The following LTBP1 variants were observed in gnomAD, a reference collection of about 807,000 sequenced individuals.
LTBP1 encodes latent transforming growth factor beta binding protein 1.
A neutral mutation model predicts 207.6 loss-of-function variants in LTBP1; 129 were observed. That is an observed-to-expected ratio of 0.62 (90% CI 0.54 to 0.72). The LOEUF is 0.72. Ranked by LOEUF, LTBP1 falls within the 30% of genes least tolerant of loss-of-function variation. The pLI, the probability that LTBP1 is intolerant of heterozygous loss-of-function variation, is 0.00. For missense variants in LTBP1, 2,281 were observed against 2,217.2 expected (o/e 1.03, Z -0.58); for synonymous variants, 963 against 833.7 (o/e 1.16, Z -2.67).
chr2:33,209,698 C>A lies in LTBP1; in HGVS notation c.1702-7854C>A, dbSNP rs149099207. ...ACTTACGTGTTTATTTTATACATCTCTTATCTGTAGGCTGAATCTGGGATA... is the reference window on the plus strand; with the variant it reads ...ACTTACGTGTTTATTTTATACATCTATTATCTGTAGGCTGAATCTGGGATA... On this transcript the variant is annotated intron_variant, in intron 7 of 33. Coordinates refer to ENST00000404816, the MANE Select transcript of LTBP1 (RefSeq NM_206943.4). Among the ~76,000 whole-genome samples, 203 of 152,292 alleles carry A rather than the reference C, an allele frequency of 1.3e-3. 1 individual carries two copies. The highest frequency in any genetic ancestry group is 4.7e-3 in the African/African-American group (196 of 41,570).
At chr2:32,974,708 T>G (rs1006318394) in intron 2 of LTBP1, among the ~76,000 whole-genome samples, 19 of 152,206 alleles carry the variant, frequency 1.2e-4, no homozygotes, top group African/African-American at 4.3e-4. Context: ...CTGCTTCTTT[T>G]TGTTTTGTGT....
chr2:33,007,760 A>G (rs144560627), intron 2 of LTBP1, among the ~76,000 whole-genome samples: 455 of 152,348 alleles, frequency 3.0e-3, no homozygotes, highest in African/African-American at 0.011. Flanking sequence ...TTTGGTGCAT[A>G]GGATAATAAT....
chr2:33,029,321 A>G (rs559883604), intron 3 of LTBP1, among the ~76,000 whole-genome samples: 2 of 152,216 alleles, frequency 1.3e-5, no homozygotes, highest in Admixed American at 1.3e-4. Flanking sequence ...TACTAAAAAT[A>G]CAAAAATTAG....
At chr2:33,151,826 TG>T (rs2083556259) in intron 5 of LTBP1, among the ~76,000 whole-genome samples, 2 of 962 alleles carry the variant, frequency 2.1e-3, no homozygotes, top group South Asian at 0.05. Flanking sequence ...TTCCATTTTG[TG>T]TGTGTGTGTG....
chr2:33,257,810 G>A (rs2092905273), intron 12 of LTBP1, among the ~76,000 whole-genome samples: 1 of 152,202 alleles, frequency 6.6e-6, no homozygotes. Flanking sequence ...ATCCTTCAGG[G>A]AATAGCCCTA....
chr2:33,229,218 C>G (rs537460610), intron 9 of LTBP1, among the ~76,000 whole-genome samples: 1 of 152,074 alleles, frequency 6.6e-6, no homozygotes, highest in African/African-American at 2.4e-5. Flanking sequence ...GCCTGTATTC[C>G]CAGCACTTTG....
intron 3 of LTBP1, among the ~76,000 whole-genome samples, chr2:33,023,242 T>G (rs2075259499): frequency 6.6e-6 from 1 of 152,246 alleles, no homozygotes; most frequent in Non-Finnish European, 1.5e-5. Context: ...TTACATAAAC[T>G]GTAAAGTAAT....
At chr2:33,069,316 C>A (rs1298702875) in intron 3 of LTBP1, among the ~76,000 whole-genome samples, 1 of 152,180 alleles carries the variant, frequency 6.6e-6, no homozygotes, top group Non-Finnish European at 1.5e-5. Flanking sequence ...ACACCCTCTC[C>A]CTCTAGTCTG....
intron 23 of LTBP1, among the ~76,000 whole-genome samples, chr2:33,313,702 C>T (rs911470318): frequency 6.6e-6 from 1 of 152,200 alleles, no homozygotes; most frequent in Non-Finnish European, 1.5e-5. Context: ...ACTAAAAGAA[C>T]CTTCACCAGT....
chr2:33,326,766 C>G (rs1057214739), intron 24 of LTBP1, among the ~76,000 whole-genome samples: 1 of 152,000 alleles, frequency 6.6e-6, no homozygotes, highest in African/African-American at 2.4e-5. Flanking sequence ...TCAAGCGATT[C>G]TCCTGCCTCA....
chr2:32,976,497 C>T (rs77137092), intron 2 of LTBP1, among the ~76,000 whole-genome samples: 4,765 of 152,296 alleles, frequency 0.031, 246 homozygotes, highest in African/African-American at 0.11. Context: ...CCAGTAGGCA[C>T]CATTTAAGAA....
intron 9 of LTBP1, among the ~76,000 whole-genome samples, chr2:33,228,900 C>A (rs1349973507): frequency 1.2e-4 from 18 of 151,536 alleles, no homozygotes; most frequent in African/African-American, 4.4e-4. Flanking sequence ...AGGGTTTCAC[C>A]ATGTTTGCCA....
At chr2:33,154,162 G>A (rs2083766310) in intron 5 of LTBP1, among the ~76,000 whole-genome samples, 1 of 152,082 alleles carries the variant, frequency 6.6e-6, no homozygotes, top group Non-Finnish European at 1.5e-5. Flanking sequence ...TTCCTGACTG[G>A]CCCTTGACTC....
intron 25 of LTBP1, among the ~76,000 whole-genome samples, chr2:33,344,984 A>G (rs1174239269): frequency 6.6e-6 from 1 of 152,082 alleles, no homozygotes; most frequent in Non-Finnish European, 1.5e-5. Context: ...GGCACACAAA[A>G]CACCACCCTT....
At chr2:33,248,476 C>T (rs1372938618) in intron 10 of LTBP1, among the ~76,000 whole-genome samples, 1 of 151,978 alleles carries the variant, frequency 6.6e-6, no homozygotes, top group Admixed American at 6.6e-5. Context: ...AGGAGTAAGT[C>T]ATTTATTTAA....
chr2:32,972,642 G>T (rs141922454), intron 2 of LTBP1, among the ~76,000 whole-genome samples: 142 of 152,288 alleles, frequency 9.3e-4, no homozygotes, highest in African/African-American at 2.2e-3. Context: ...CACATGTAGA[G>T]GGAGGGACCT....
At chr2:33,362,388 G>T (rs2094936863) in intron 28 of LTBP1, among the ~76,000 whole-genome samples, 1 of 151,976 alleles carries the variant, frequency 6.6e-6, no homozygotes, top group Non-Finnish European at 1.5e-5. Context: ...AGAAGATTTG[G>T]TTTATAATAT....
At chr2:33,298,541 G>T (rs556191566) in intron 20 of LTBP1, among the ~76,000 whole-genome samples, 2 of 152,190 alleles carry the variant, frequency 1.3e-5, no homozygotes, top group Non-Finnish European at 2.9e-5. Context: ...TCTTCAGTTC[G>T]TGAACTGACA....
intron 5 of LTBP1, among the ~76,000 whole-genome samples, chr2:33,165,884 G>A (rs1339434027): frequency 6.6e-6 from 1 of 152,164 alleles, no homozygotes; most frequent in African/African-American, 2.4e-5. Flanking sequence ...GTGAAAATAA[G>A]GATTTAAAAG....
Sources: gnomAD v4.1 joint callset for allele counts (sites outside exome capture counted in the v4.1 genomes callset) on GRCh38, gnomAD v4.1.1 for gene constraint, MANE v1.5 for transcripts, NCBI Gene and HGNC (gene_info 2026-07-23, HGNC 2026-07-21) for gene names.